CNTNAP5: variants seen among roughly 807,000 people sequenced by gnomAD.
CNTNAP5 encodes the protein contactin associated protein family member 5.
In CNTNAP5, 72 loss-of-function variants were observed where a neutral mutation model predicts 150.2. The ratio of observed to expected loss-of-function variants is 0.48; its 90% CI spans 0.40 to 0.58. CNTNAP5 has a LOEUF of 0.58. Ranked by LOEUF, CNTNAP5 falls within the 20% of genes least tolerant of loss-of-function variation. CNTNAP5 has a pLI of 0.00. For missense variants in CNTNAP5, 1,636 were observed against 1,626.2 expected (o/e 1.01, Z -0.10); for synonymous variants, 672 against 619.8 (o/e 1.08, Z -1.25).
intron 6 of CNTNAP5, among the ~76,000 whole-genome samples, chr2:124,468,170 T>C (rs1693425155): frequency 6.6e-6 from 1 of 152,092 alleles, no homozygotes; most frequent in African/African-American, 2.4e-5. Context: ...ACTAATAGGA[T>C]ACATGTATAT....
intron 1 of CNTNAP5, among the ~76,000 whole-genome samples, chr2:124,080,563 T>G (rs930431289): frequency 6.6e-6 from 1 of 152,172 alleles, no homozygotes; most frequent in Admixed American, 6.5e-5. Flanking sequence ...CACACAAAAT[T>G]CATCCGAGGG....
chr2:124,362,183 G>A (rs1022987727), intron 3 of CNTNAP5, among the ~76,000 whole-genome samples: 14 of 152,204 alleles, frequency 9.2e-5, no homozygotes, highest in Non-Finnish European at 1.6e-4. Flanking sequence ...CATGGTGCGC[G>A]AACCCGCTGA....
chr2:124,877,626 C>A (rs943079981), intron 21 of CNTNAP5, among the ~76,000 whole-genome samples: 3 of 152,088 alleles, frequency 2.0e-5, no homozygotes, highest in Non-Finnish European at 2.9e-5. Flanking sequence ...AAAAAACTGT[C>A]CTTGTTCTAA....
chr2:124,860,878 C>T (rs999111119), intron 19 of CNTNAP5, among the ~76,000 whole-genome samples: 16 of 151,972 alleles, frequency 1.1e-4, no homozygotes, highest in Non-Finnish European at 2.1e-4. Flanking sequence ...TTCTGGGCAG[C>T]GGTGATCACC....
chr2:124,713,322 T>TTC (rs1679870594), intron 13 of CNTNAP5, among the ~76,000 whole-genome samples: 2 of 37,432 alleles, frequency 5.3e-5, no homozygotes, highest in South Asian at 2.3e-3. Flanking sequence ...TTCTTTCCTT[T>TTC]CTTTCTTTCT....
At chr2:124,849,113 A>G (rs1054077022) in intron 19 of CNTNAP5, among the ~76,000 whole-genome samples, 1 of 152,062 alleles carries the variant, frequency 6.6e-6, no homozygotes, top group Non-Finnish European at 1.5e-5. Context: ...TAGGAGTTTT[A>G]TGGTTTCAGA....
At chr2:124,699,480 G>A (rs7606900) in intron 13 of CNTNAP5, among the ~76,000 whole-genome samples, 64 of 152,266 alleles carry the variant, frequency 4.2e-4, no homozygotes, top group African/African-American at 1.5e-3. Context: ...TGCTGAGCGA[G>A]GTCAGCTTCA....
intron 11 of CNTNAP5, among the ~76,000 whole-genome samples, chr2:124,587,701 A>T (rs1433658834): frequency 1.3e-5 from 2 of 152,182 alleles, no homozygotes; most frequent in African/African-American, 4.8e-5. Flanking sequence ...TTTATAAATC[A>T]TCAGTGATGC....
intron 1 of CNTNAP5, among the ~76,000 whole-genome samples, chr2:124,153,823 G>A (rs192972278): frequency 1.4e-4 from 21 of 151,858 alleles, no homozygotes; most frequent in African/African-American, 4.8e-4. Flanking sequence ...ATGTTGGCCA[G>A]GCTAGTCTAG....
Position 124,772,976 on chromosome 2 carries a change from A to G in CNTNAP5, c.2711A>G (p.Glu904Gly). 1 of 1,613,526 alleles carries G rather than the reference A, an allele frequency of 6.2e-7. No individual in the cohort carries two copies. The highest frequency in any genetic ancestry group is 8.5e-7 in the Non-Finnish European group (1 of 1,179,700). The stretch of plus-strand genomic sequence containing the variant: ...AGGAGCACCAGGGAGACGTCGGAGG[A>G]GGGCCATTTTCGACTGCAGCTGAAC... ...LPRSTRETSE[E>G]GHFRLQLNSQ... The change falls in exon 17 of 24, where the codon GAG (glutamate) becomes GGG (glycine). Residue 904 changes from glutamate (E) to glycine (G), a missense_variant. Physicochemically the swap from Glu to Gly is moderately conservative, Grantham distance 98 (BLOSUM62 -2). Transcript: ENST00000682447.
intron 3 of CNTNAP5, among the ~76,000 whole-genome samples, chr2:124,253,757 T>C (rs1297169399): frequency 6.6e-6 from 1 of 152,064 alleles, no homozygotes; most frequent in Admixed American, 6.6e-5. Context: ...AGACTCCAAA[T>C]TATTTTTTTT....
intron 11 of CNTNAP5, among the ~76,000 whole-genome samples, chr2:124,587,392 C>T (rs1179609121): frequency 1.3e-5 from 2 of 152,014 alleles, no homozygotes; most frequent in Non-Finnish European, 2.9e-5. Context: ...CAATTTTTTG[C>T]CCCAGAAGGA....
At position 124,792,856 on chromosome 2, in the gene CNTNAP5, T is replaced by C. The variant is rs544438624; in HGVS notation, c.2992+2715T>C. ...TTCATCCATGTTATAACATTCATCA[T>C]TACTTTATTCCTTTTTAATTGCCAA... On this transcript the variant is annotated intron_variant, in intron 18 of 23. Coordinates refer to ENST00000682447, the MANE Select transcript of CNTNAP5 (RefSeq NM_001367498.1). 4.1e-4 allele frequency among the ~76,000 whole-genome samples: 63 copies of C among 152,344 alleles called. 1 individual carries two copies. In the South Asian group the frequency reaches 0.013, roughly 31 times the overall value.
chr2:124,194,074 C>T (rs1030179743), intron 1 of CNTNAP5, among the ~76,000 whole-genome samples: 1 of 152,118 alleles, frequency 6.6e-6, no homozygotes, highest in African/African-American at 2.4e-5. Flanking sequence ...GATTCTCACT[C>T]ATCCTAGGCC....
At chr2:124,810,708 C>T (rs1352465621) in intron 19 of CNTNAP5, among the ~76,000 whole-genome samples, 2 of 152,088 alleles carry the variant, frequency 1.3e-5, no homozygotes, top group East Asian at 1.9e-4. Flanking sequence ...CCAGGTATTT[C>T]GGGATAGCAG....
intron 19 of CNTNAP5, among the ~76,000 whole-genome samples, chr2:124,860,060 A>G (rs1201607354): frequency 6.6e-6 from 1 of 152,088 alleles, no homozygotes; most frequent in Non-Finnish European, 1.5e-5. Context: ...AAGTATAAAA[A>G]AAAAAAATAG....
intron 6 of CNTNAP5, among the ~76,000 whole-genome samples, chr2:124,450,216 A>T (rs1193875978): frequency 6.6e-6 from 1 of 151,526 alleles, no homozygotes; most frequent in Non-Finnish European, 1.5e-5. Flanking sequence ...TACTACTCTG[A>T]TATATACTTC....
intron 1 of CNTNAP5, among the ~76,000 whole-genome samples, chr2:124,033,067 C>A (rs1018182331): frequency 6.6e-6 from 1 of 152,106 alleles, no homozygotes; most frequent in Non-Finnish European, 1.5e-5. Context: ...GTTGGGTGTG[C>A]TACGCTGATG....
intron 13 of CNTNAP5, among the ~76,000 whole-genome samples, chr2:124,664,369 C>T (rs961999794): frequency 6.0e-5 from 9 of 149,736 alleles, no homozygotes; most frequent in African/African-American, 2.2e-4. Flanking sequence ...AAGTGTGGTG[C>T]AATAACAACA....
Sources: allele counts gnomAD v4.1 joint callset (sites outside exome capture counted in the v4.1 genomes callset), GRCh38; gene constraint gnomAD v4.1.1; transcripts MANE v1.5; gene names NCBI Gene and HGNC (gene_info 2026-07-23, HGNC 2026-07-21).